The following TRIM24 variants were observed in gnomAD, a reference collection of about 807,000 sequenced individuals.
The protein encoded by TRIM24 is tripartite motif containing 24.
Under a neutral mutation model 123.9 loss-of-function variants are expected in TRIM24, and 29 were observed. The ratio of observed to expected loss-of-function variants is 0.23; its 90% CI spans 0.17 to 0.32. The LOEUF is 0.32. Ranked by LOEUF, TRIM24 falls within the 10% of genes least tolerant of loss-of-function variation. TRIM24 has a pLI of 1.00. For synonymous variants in TRIM24, 456 were observed against 461.1 expected (o/e 0.99, Z 0.14); for missense variants, 932 against 1,295.3 (o/e 0.72, Z 4.31).
chr7:138,584,027 G>A lies in TRIM24; in HGVS notation c.2943+28G>A, dbSNP rs140743487. On this transcript the variant is annotated intron_variant, in intron 18 of 18. Transcript: ENST00000343526. Reference sequence around the variant, plus strand: ...GAGGCTAGGGGAGGGAAGGGGGCAGGAAGGAACAGCAGTGTGAAAATCATT... The same window carrying A: ...GAGGCTAGGGGAGGGAAGGGGGCAGAAAGGAACAGCAGTGTGAAAATCATT... The A allele has an allele frequency of 2.6e-4, 411 of 1,584,622 alleles. 1 individual carries two copies. The African/African-American group carries it at 4.7e-3, about 18-fold the overall frequency.
intron 9 of TRIM24, among the ~76,000 whole-genome samples, chr7:138,566,460 G>A (rs1265761980): frequency 2.0e-5 from 3 of 152,068 alleles, no homozygotes; most frequent in Admixed American, 6.6e-5. Context: ...AGGTTGCAGT[G>A]AGCCAAGATC....
chr7:138,461,891 C>A (rs1483794047), intron 1 of TRIM24, among the ~76,000 whole-genome samples: 2 of 152,108 alleles, frequency 1.3e-5, no homozygotes, highest in Non-Finnish European at 2.9e-5. Flanking sequence ...TATGCTAGGT[C>A]AAGGGGCGTA....
At chr7:138,509,942 G>C (rs1413588212) in intron 2 of TRIM24, among the ~76,000 whole-genome samples, 1 of 152,148 alleles carries the variant, frequency 6.6e-6, no homozygotes, top group Non-Finnish European at 1.5e-5. Context: ...ATGGGGTCTG[G>C]GTGTTTGGCT....
chr7:138,535,844 C>T (rs946865778), intron 6 of TRIM24, among the ~76,000 whole-genome samples: 20 of 152,140 alleles, frequency 1.3e-4, no homozygotes, highest in Admixed American at 9.8e-4. Context: ...CCGTCACTTT[C>T]AGGTACACCA....
intron 1 of TRIM24, among the ~76,000 whole-genome samples, chr7:138,483,959 G>C (rs962022801): frequency 3.9e-5 from 6 of 152,116 alleles, no homozygotes; most frequent in African/African-American, 1.4e-4. Flanking sequence ...AGGAGAACTT[G>C]TGGTTAGGCT....
chr7:138,526,213 T>C (rs1554439151), intron 5 of TRIM24, among the ~76,000 whole-genome samples: 1 of 152,222 alleles, frequency 6.6e-6, no homozygotes, highest in Non-Finnish European at 1.5e-5. Context: ...TCACAATCTA[T>C]TATTATCATT....
chr7:138,550,134 T>C (rs1417205397), intron 7 of TRIM24, among the ~76,000 whole-genome samples: 1 of 151,970 alleles, frequency 6.6e-6, no homozygotes, highest in African/African-American at 2.4e-5. Flanking sequence ...TCAGCCTTAA[T>C]GTTAGCCAGT....
chr7:138,581,721 C>A lies in TRIM24; in HGVS notation c.2743C>A (p.Leu915Ile). The change falls in exon 17 of 19, where the codon CTT becomes ATT. Residue 915 changes from leucine (L) to isoleucine (I), a missense_variant. Leu to Ile is a conservative substitution (Grantham distance 5). Around this residue, in one of 7 missense-constraint regions of TRIM24, gnomAD observed 16 missense variants for 46.5 expected, o/e 0.34. Coordinates refer to ENST00000343526, the MANE Select transcript of TRIM24 (RefSeq NM_015905.3). Reference sequence around the variant, plus strand: ...GAAGTGTGAGCGCCTACTTTTATTTCTTTACTGCCATGAAATGAGCCTGGC... The same window carrying A: ...GAAGTGTGAGCGCCTACTTTTATTTATTTACTGCCATGAAATGAGCCTGGC... ...KRKCERLLLF[L>I]YCHEMSLAFQ... The A allele has an allele frequency of 6.2e-7, 1 of 1,612,684 alleles. No individual in the cohort carries two copies. The highest frequency in any genetic ancestry group is 1.1e-5 in the South Asian group (1 of 90,834).
At chr7:138,493,516 T>C (rs1795839825) in intron 1 of TRIM24, among the ~76,000 whole-genome samples, 1 of 152,244 alleles carries the variant, frequency 6.6e-6, no homozygotes, top group Non-Finnish European at 1.5e-5. Flanking sequence ...CTGTATCTGC[T>C]TGCAGCCTCT....
intron 7 of TRIM24, among the ~76,000 whole-genome samples, chr7:138,543,220 A>C (rs973468999): frequency 1.3e-5 from 2 of 152,230 alleles, no homozygotes; most frequent in Admixed American, 6.5e-5. Flanking sequence ...AATAGGAATG[A>C]AAGAGATAGT....
chr7:138,547,587 T>C (rs1797127457), intron 7 of TRIM24, among the ~76,000 whole-genome samples: 1 of 152,232 alleles, frequency 6.6e-6, no homozygotes, highest in Non-Finnish European at 1.5e-5. Context: ...AGATAAAACA[T>C]AGTTCTTAGA....
chr7:138,578,532 T>TGTGTGTG (rs1797815326), intron 14 of TRIM24, among the ~76,000 whole-genome samples: 2 of 146,790 alleles, frequency 1.4e-5, no homozygotes, highest in African/African-American at 5.0e-5. Context: ...GGTGGTGGTT[T>TGTGTGTG]TGTGTGTGTG....
chr7:138,534,066 C>T (rs1364649960), intron 6 of TRIM24, among the ~76,000 whole-genome samples: 1 of 152,090 alleles, frequency 6.6e-6, no homozygotes, highest in Non-Finnish European at 1.5e-5. Context: ...GTGATATCCC[C>T]TTTAACATTT....
At chr7:138,495,840 G>A (rs1036789871) in intron 1 of TRIM24, among the ~76,000 whole-genome samples, 19 of 152,058 alleles carry the variant, frequency 1.2e-4, no homozygotes, top group African/African-American at 3.4e-4. Context: ...TCACTTCTAC[G>A]AAATTCTTGC....
At chr7:138,536,189 A>G (rs1337660858) in intron 6 of TRIM24, among the ~76,000 whole-genome samples, 1 of 152,060 alleles carries the variant, frequency 6.6e-6, no homozygotes, top group East Asian at 1.9e-4. Context: ...GAGGAGTTTC[A>G]TCGTCTAAAG....
intron 7 of TRIM24, among the ~76,000 whole-genome samples, chr7:138,545,998 C>T (rs976816096): frequency 1.6e-4 from 25 of 152,242 alleles, no homozygotes; most frequent in African/African-American, 5.5e-4. Flanking sequence ...AATGGGTATA[C>T]AGAAGCACAT....
chr7:138,482,532 G>T lies in TRIM24; in HGVS notation c.364+21620G>T, dbSNP rs529470112. Among the ~76,000 whole-genome samples the T allele has an allele frequency of 7.9e-5, 12 of 152,238 alleles. No individual in the cohort carries two copies. The East Asian group carries it at 2.3e-3, about 29-fold the overall frequency. On this transcript the variant is annotated intron_variant, in intron 1 of 18. Coordinates refer to ENST00000343526, the MANE Select transcript of TRIM24 (RefSeq NM_015905.3). ...TAACAAAGTTTGAAGGAGGCACATCGTACACATATGCCTGAAAACCTGATC... is the reference window on the plus strand; with the variant it reads ...TAACAAAGTTTGAAGGAGGCACATCTTACACATATGCCTGAAAACCTGATC...
At chr7:138,516,226 C>T (rs1393497852) in intron 3 of TRIM24, among the ~76,000 whole-genome samples, 6 of 152,104 alleles carry the variant, frequency 3.9e-5, no homozygotes, top group South Asian at 4.1e-4. Context: ...GGCGTGAACC[C>T]GGGAGGCGGA....
At chr7:138,511,424 C>T (rs1355387317) in intron 2 of TRIM24, among the ~76,000 whole-genome samples, 1 of 151,944 alleles carries the variant, frequency 6.6e-6, no homozygotes, top group Non-Finnish European at 1.5e-5. Context: ...CCTCAGCCTC[C>T]CGAGCAGCTG....
Sources: allele counts gnomAD v4.1 joint callset (sites outside exome capture counted in the v4.1 genomes callset), GRCh38; gene constraint gnomAD v4.1.1; regional missense constraint gnomAD v4.1.1; transcripts MANE v1.5; gene names NCBI Gene and HGNC (gene_info 2026-07-23, HGNC 2026-07-21).